GSE1: variants seen among roughly 807,000 people sequenced by gnomAD.
GSE1 encodes the protein Gse1 coiled-coil protein.
Under a neutral mutation model 112.6 loss-of-function variants are expected in GSE1, and 32 were observed. That is an observed-to-expected ratio of 0.28 (90% CI 0.21 to 0.38). The LOEUF is 0.38. Ranked by LOEUF, GSE1 falls within the 10% of genes least tolerant of loss-of-function variation. The pLI is 1.00. For synonymous variants in GSE1, 1,115 were observed against 735.6 expected, an observed-to-expected ratio of 1.52 and a Z score of -8.35; for missense variants, 2,348 against 1,699.2, an observed-to-expected ratio of 1.38 and a Z score of -6.71.
chr16:85,265,895 G>T (rs1026720589), intron 1 of GSE1, among the ~76,000 whole-genome samples: 2 of 152,164 alleles, frequency 1.3e-5, no homozygotes, highest in African/African-American at 2.4e-5. Context: ...GTGAGCCTGG[G>T]TCTCTGCAGT....
Position 85,656,679 on chromosome 16 carries a change from G to A in GSE1, c.1312+14G>A, listed in dbSNP as rs1224951389. 2.7e-6 allele frequency: 4 copies of A among 1,493,266 alleles called. No homozygotes were observed. Among genetic ancestry groups the A allele is most frequent in the Admixed American group, 2.2e-5 (1 of 45,520 alleles). 92.5% of individuals were successfully genotyped at this position (1,493,266 alleles called of 1,614,324 possible). A position where few individuals can be genotyped will look rare whatever the true frequency, so the allele number is the denominator to read the frequency against. On this transcript the variant is annotated intron_variant, in intron 7 of 15. Coordinates refer to ENST00000253458, the MANE Select transcript of GSE1 (RefSeq NM_014615.5). ...CAACCCGAGCAGGTACCTGGGCGTG[G>A]GTGGGCTGTGCTGGGCAAGGTCTCA...
exon 1 of GSE1, chr16:85,170,597 A>C (rs900284078): frequency 9.0e-5 from 89 of 985,424 alleles, no homozygotes; most frequent in Non-Finnish European, 1.0e-4. Flanking sequence ...GCTCTCCAGG[A>C]CAGCCGGGCG....
Position 85,661,613 on chromosome 16 carries a change from G to T in GSE1, c.2108G>T (p.Ser703Ile). 6.2e-7 allele frequency: 1 copy of T among 1,610,982 alleles called. No homozygotes were observed. The change falls in exon 9 of 16, where the codon AGC becomes ATC. Residue 703 changes from serine (S) to isoleucine (I), a missense_variant. Transcript: ENST00000253458. Reference protein sequence around the residue: ...LPQAATFGELSGPLKPGSPYR... With the variant: ...LPQAATFGELIGPLKPGSPYR... ...CAGGCGGCCACCTTCGGGGAGCTCA[G>T]CGGACCCCTGAAGCCTGGCTCGCCC...
intron 1 of GSE1, among the ~76,000 whole-genome samples, chr16:85,315,489 G>A (rs2045966771): frequency 6.6e-6 from 1 of 152,160 alleles, no homozygotes; most frequent in Non-Finnish European, 1.5e-5. Flanking sequence ...AGCGGGCAGA[G>A]CCTGGAGGGC....
rs980866860 is a variant in GSE1, at chr16:85,666,071, C to G, written c.2854C>G (p.Leu952Val). The G allele has an allele frequency of 4.3e-6, 7 of 1,613,310 alleles. No individual in the cohort carries two copies. The highest frequency in any genetic ancestry group is 5.9e-6 in the Non-Finnish European group (7 of 1,180,008). The change falls in exon 13 of 16, where the codon CTG becomes GTG. Residue 952 changes from leucine to valine, a missense_variant. By Grantham distance (32) the Leu-to-Val change is conservative. Transcript: ENST00000253458. ...CCCAAAGGCCGCGGAGCCTGGGAAG[C>G]TGGAACAGGTCCGGCCCCAGGAGCT... ...DIPKAAEPGK[L>V]EQVRPQELSR... is the part of the protein sequence containing the mutation.
At chr16:85,630,046 C>T (rs1243162578) in intron 1 of GSE1, among the ~76,000 whole-genome samples, 1 of 152,174 alleles carries the variant, frequency 6.6e-6, no homozygotes, top group Non-Finnish European at 1.5e-5. Context: ...AGAAGGCCAG[C>T]CTGGGGCTGG....
At position 85,313,360 on chromosome 16, in the gene GSE1, T is replaced by C. The variant is rs868574299; in HGVS notation, c.2284-44103T>C. On this transcript the variant is annotated intron_variant, in intron 1 of 2. Transcript: ENST00000637419. ...GACCTTGTCCAGCGTGATTCCGTGTTTGGGGAGGGCTGCCCCTGCCCCGAG... is the reference window on the plus strand; with the variant it reads ...GACCTTGTCCAGCGTGATTCCGTGTCTGGGGAGGGCTGCCCCTGCCCCGAG... Among the ~76,000 whole-genome samples the C allele has an allele frequency of 1.3e-5, 2 of 152,124 alleles. 1 individual carries two copies. The highest frequency in any genetic ancestry group is 4.1e-4 in the South Asian group (2 of 4,828).
chr16:85,252,407 A>C (rs924140630), intron 1 of GSE1, among the ~76,000 whole-genome samples: 2 of 152,218 alleles, frequency 1.3e-5, no homozygotes, highest in Non-Finnish European at 2.9e-5. Context: ...ACGTGCATGA[A>C]ATTACTGTGG....
rs116538400 is a variant in GSE1 at position 85,442,396 on chromosome 16, G to A, written c.2464+84753G>A. Among the ~76,000 whole-genome samples, 1,065 of 152,302 alleles carry A rather than the reference G, an allele frequency of 7.0e-3. 14 individuals carry two copies. Among genetic ancestry groups the A allele is most frequent in the African/African-American group, 0.024 (1,013 of 41,542 alleles). ...GTTCCCTGCTGCATCCTGGCCCAGC[G>A]CTGGGTGTCCAGCAGGTGGTGGACA... On this transcript the variant is annotated intron_variant, in intron 2 of 2. Transcript: ENST00000637419.
chr16:85,169,905 C>G (rs181715703), exon 1 of GSE1: 2 of 984,338 alleles, frequency 2.0e-6, no homozygotes, highest in Non-Finnish European at 2.4e-6. Context: ...GCGCAGGCGG[C>G]CGCCGTGGCG....
chr16:85,261,592 G>C (rs746260570), intron 1 of GSE1, among the ~76,000 whole-genome samples: 1 of 152,200 alleles, frequency 6.6e-6, no homozygotes, highest in African/African-American at 2.4e-5. Flanking sequence ...GGGCTGCCCC[G>C]TGTGGTAGAG....
intron 1 of GSE1, among the ~76,000 whole-genome samples, chr16:85,588,133 T>G (rs2046795198): frequency 6.6e-6 from 1 of 152,164 alleles, no homozygotes; most frequent in South Asian, 2.1e-4. Context: ...TTCACTTCAC[T>G]GGGGTGAGCC....
intron 2 of GSE1, among the ~76,000 whole-genome samples, chr16:85,429,971 A>G (rs1377187615): frequency 6.6e-6 from 1 of 152,226 alleles, no homozygotes; most frequent in Non-Finnish European, 1.5e-5. Context: ...AGAGCCTGGC[A>G]TTCTGCGGGG....
chr16:85,457,796 C>T (rs1017334739), intron 2 of GSE1, among the ~76,000 whole-genome samples: 23 of 152,342 alleles, frequency 1.5e-4, no homozygotes, highest in Non-Finnish European at 3.1e-4. Context: ...GAGAATATAA[C>T]CAAGGCTTGG....
intron 1 of GSE1, among the ~76,000 whole-genome samples, chr16:85,569,066 A>G (rs1409196322): frequency 2.0e-5 from 3 of 152,176 alleles, no homozygotes; most frequent in Admixed American, 6.5e-5. Flanking sequence ...CCTCCTCCCA[A>G]ATTCAAGCCT....
chr16:85,374,198 A>G (rs1205837621), intron 2 of GSE1, among the ~76,000 whole-genome samples: 39 of 101,036 alleles, frequency 3.9e-4, no homozygotes, highest in Middle Eastern at 0.011. Flanking sequence ...CTGTGTGTTC[A>G]CGCGTGGCCC....
At chr16:85,213,589 C>T (rs4072154) in intron 1 of GSE1, among the ~76,000 whole-genome samples, 24,220 of 152,242 alleles carry the variant, frequency 0.16, 2,044 homozygotes, top group African/African-American at 0.19. Flanking sequence ...GTCACGTGTC[C>T]GGGCTATGGC....
intron 1 of GSE1, among the ~76,000 whole-genome samples, chr16:85,334,976 C>T (rs2046452176): frequency 6.6e-6 from 1 of 152,232 alleles, no homozygotes; most frequent in African/African-American, 2.4e-5. Flanking sequence ...CTTCCTCCCT[C>T]ACCTCCCGCC....
At chr16:85,352,928 C>T (rs929709855) in intron 1 of GSE1, among the ~76,000 whole-genome samples, 3 of 152,240 alleles carry the variant, frequency 2.0e-5, no homozygotes, top group Non-Finnish European at 4.4e-5. Context: ...ACACACAGCT[C>T]AGCAGACAGT....
Sources: allele counts gnomAD v4.1 joint callset (sites outside exome capture counted in the v4.1 genomes callset), GRCh38; gene constraint gnomAD v4.1.1; transcripts MANE v1.5; gene names NCBI Gene and HGNC (gene_info 2026-07-23, HGNC 2026-07-21).